PRICKLE2: variants seen among roughly 807,000 people sequenced by gnomAD.
PRICKLE2 encodes the protein prickle-like protein 2.
A neutral mutation model predicts 81.4 loss-of-function variants in PRICKLE2; 21 were observed. That is an observed-to-expected ratio of 0.26 (90% CI 0.18 to 0.37). The LOEUF is 0.37. Ranked by LOEUF, PRICKLE2 falls within the 10% of genes least tolerant of loss-of-function variation. The pLI is 1.00. For synonymous variants in PRICKLE2, 456 were observed against 421.5 expected (o/e 1.08, Z -1.00); for missense variants, 940 against 1,109.0 (o/e 0.85, Z 2.16).
chr3:64,199,217 C>A (rs940236615), intron 1 of PRICKLE2: 1 of 590,486 alleles, frequency 1.7e-6, no homozygotes, highest in Non-Finnish European at 3.0e-6. Flanking sequence ...TACATGTGGA[C>A]CCCAGCCTTC....
At chr3:64,181,417 C>G (rs2078131341) in intron 2 of PRICKLE2, among the ~76,000 whole-genome samples, 2 of 152,098 alleles carry the variant, frequency 1.3e-5, no homozygotes, top group African/African-American at 4.8e-5. Flanking sequence ...CAGTCTTCAT[C>G]CAAAACTGGA....
At chr3:64,183,027 A>G (rs2078162235) in intron 2 of PRICKLE2, among the ~76,000 whole-genome samples, 1 of 152,216 alleles carries the variant, frequency 6.6e-6, no homozygotes, top group Non-Finnish European at 1.5e-5. Context: ...ATGGATTATC[A>G]GTTTGGAATA....
chr3:64,171,487 G>T (rs1402675535), intron 2 of PRICKLE2, among the ~76,000 whole-genome samples: 1 of 152,200 alleles, frequency 6.6e-6, no homozygotes, highest in Non-Finnish European at 1.5e-5. Flanking sequence ...TTTTGTCAAA[G>T]AACTTATCAG....
At chr3:64,206,879 A>G (rs567259804) in intron 1 of PRICKLE2, among the ~76,000 whole-genome samples, 26 of 152,284 alleles carry the variant, frequency 1.7e-4, no homozygotes, top group Middle Eastern at 3.4e-3. Flanking sequence ...AAATTCTTCC[A>G]TGACTCTAGC....
intron 7 of PRICKLE2, among the ~76,000 whole-genome samples, chr3:64,144,169 C>T (rs201868343): frequency 2.0e-5 from 3 of 152,190 alleles, no homozygotes; most frequent in Non-Finnish European, 1.5e-5. Context: ...TCTGGAAAAA[C>T]TGGAAGATCT....
chr3:64,187,126 G>A (rs902219009), intron 2 of PRICKLE2, among the ~76,000 whole-genome samples: 9 of 152,224 alleles, frequency 5.9e-5, no homozygotes, highest in African/African-American at 1.9e-4. Context: ...CCCTGCTGGT[G>A]GAATCTGGCC....
chr3:64,144,483 T>A (rs2077412076), intron 7 of PRICKLE2, among the ~76,000 whole-genome samples: 1 of 152,214 alleles, frequency 6.6e-6, no homozygotes, highest in South Asian at 2.1e-4. Flanking sequence ...TCCCAGCACA[T>A]GGCAACAAGC....
chr3:64,120,701 A>G (rs1440146704), intron 7 of PRICKLE2, among the ~76,000 whole-genome samples: 1 of 152,174 alleles, frequency 6.6e-6, no homozygotes, highest in Non-Finnish European at 1.5e-5. Context: ...ATGAGTGTGG[A>G]AAGAAAGCCT....
intron 2 of PRICKLE2, among the ~76,000 whole-genome samples, chr3:64,249,175 G>A (rs1442353698): frequency 6.6e-6 from 1 of 152,108 alleles, no homozygotes; most frequent in East Asian, 1.9e-4. Flanking sequence ...GAAACCTCGG[G>A]AAACTTACAA....
At chr3:64,105,243 T>C (rs73120994) in intron 7 of PRICKLE2, among the ~76,000 whole-genome samples, 455 of 152,316 alleles carry the variant, frequency 3.0e-3, no homozygotes, top group Non-Finnish European at 5.1e-3. Flanking sequence ...GTTAGTTGTC[T>C]TCTGGCCAAC....
In PRICKLE2 at chr3:64,094,063, C is replaced by G. The variant is rs1274889081; in HGVS notation, c.*4988G>C. The G allele has an allele frequency of 6.6e-6, 1 of 152,552 alleles. No homozygotes were observed. The highest frequency in any genetic ancestry group is 1.5e-5 in the Non-Finnish European group (1 of 68,058). 9.4% of individuals were successfully genotyped at this position (152,552 alleles called of 1,614,324 possible). On this transcript the variant is annotated 3_prime_UTR_variant, in exon 8 of 8. Coordinates refer to ENST00000638394, the MANE Select transcript of PRICKLE2 (RefSeq NM_198859.4). ...ACACAGAACACAGACTCTGGCCTGC[C>G]TCACCTTCCCAGGCCCTTTGAGGTT...
At chr3:64,139,697 C>T (rs1298444108) in intron 7 of PRICKLE2, among the ~76,000 whole-genome samples, 1 of 152,164 alleles carries the variant, frequency 6.6e-6, no homozygotes, top group Non-Finnish European at 1.5e-5. Flanking sequence ...TTAATATAGC[C>T]CTAAATGGCT....
chr3:64,255,755 G>A lies in PRICKLE2; in HGVS notation c.129-56788C>T, dbSNP rs937007267. ...ACACTCACAACTTGAGTAAACAACCGCATTTCTCAGCCTCTTTTGCAAAGA... is the reference window on the plus strand; with the variant it reads ...ACACTCACAACTTGAGTAAACAACCACATTTCTCAGCCTCTTTTGCAAAGA... On this transcript the variant is annotated intron_variant, in intron 2 of 8. Transcript: ENST00000295902. 1.6e-4 allele frequency among the ~76,000 whole-genome samples: 24 copies of A among 152,164 alleles called. 1 individual carries two copies. The highest frequency in any genetic ancestry group is 1.3e-4 in the Admixed American group (2 of 15,280).
Position 64,242,153 on chromosome 3 carries a change from G to A in PRICKLE2, c.129-43186C>T, listed in dbSNP as rs537003213. 9.9e-5 allele frequency among the ~76,000 whole-genome samples: 15 copies of A among 152,150 alleles called. No individual in the cohort carries two copies. The South Asian group carries it at 1.7e-3, about 17-fold the overall frequency. On this transcript the variant is annotated intron_variant, in intron 2 of 8. Transcript: ENST00000295902. ...ATTTGGAGCCTTCCACCTTCATCCC[G>A]CTTTTCTTTCCTCTTCTTCTGTCCC...
intron 2 of PRICKLE2, among the ~76,000 whole-genome samples, chr3:64,195,687 T>C (rs1442130775): frequency 6.6e-6 from 1 of 152,172 alleles, no homozygotes; most frequent in Non-Finnish European, 1.5e-5. Flanking sequence ...AAAAAAAACC[T>C]TTAAATTCAT....
intron 2 of PRICKLE2, among the ~76,000 whole-genome samples, chr3:64,179,021 T>C (rs1288573225): frequency 1.3e-5 from 2 of 149,772 alleles, no homozygotes; most frequent in Non-Finnish European, 1.5e-5. Context: ...CTTTCTTTCT[T>C]TCTTTCTTTC....
intron 1 of PRICKLE2, among the ~76,000 whole-genome samples, chr3:64,210,554 A>G (rs909880165): frequency 6.6e-6 from 1 of 152,162 alleles, no homozygotes; most frequent in African/African-American, 2.4e-5. Context: ...GGCTCTGGCC[A>G]TCTGCACCAA....
At position 64,096,945 on chromosome 3, in the gene PRICKLE2, A is replaced by C. The variant is rs906008365; in HGVS notation, c.*2106T>G. On this transcript the variant is annotated 3_prime_UTR_variant, in exon 8 of 8. Coordinates refer to ENST00000638394, the MANE Select transcript of PRICKLE2 (RefSeq NM_198859.4). ...TAGTTTCATCAATCAAGGAACTTAA[A>C]ACTCCAAATTGGACTCGCACAATTT... 12 of 152,752 alleles carry C rather than the reference A, an allele frequency of 7.9e-5. No individual in the cohort carries two copies. The highest frequency in any genetic ancestry group is 2.9e-4 in the African/African-American group (12 of 41,576). The allele number at this position is 152,752 out of a possible 1,614,324, so 9.5% of individuals were successfully genotyped here.
Position 64,099,685 on chromosome 3 carries a change from T to C in PRICKLE2, c.1901A>G (p.Gln634Arg), listed in dbSNP as rs1171757939. The part of the protein sequence containing the change: ...LSNPIGYRDL[Q>R]SHGRMHQSFD... ...GCTCTGATGCATCCTTCCGTGGGAC[T>C]GCAGGTCTCTGTAGCCAATGGGGTT... Residue 634 changes from glutamine to arginine, a missense_variant, in exon 8 of 8, where the codon CAG becomes CGG. Gln to Arg is a conservative substitution (Grantham distance 43, BLOSUM62 1). Coordinates refer to ENST00000638394, the MANE Select transcript of PRICKLE2 (RefSeq NM_198859.4). The surrounding 1 kb of genome is among the most constrained non-coding windows in gnomAD (Gnocchi z 4.3). 3 of 1,614,214 alleles carry C rather than the reference T, an allele frequency of 1.9e-6. No homozygotes were observed. The highest frequency in any genetic ancestry group is 2.2e-5 in the South Asian group (2 of 91,088).
Sources: gnomAD v4.1 joint callset for allele counts (sites outside exome capture counted in the v4.1 genomes callset) on GRCh38, gnomAD v4.1.1 for gene constraint, Gnocchi (gnomAD v3.1) non-coding constraint, MANE v1.5 for transcripts, NCBI Gene and HGNC (gene_info 2026-07-23, HGNC 2026-07-21) for gene names.